BRWD1: variants seen among roughly 807,000 people sequenced by gnomAD.
BRWD1 encodes bromodomain and WD repeat-containing protein 1.
A neutral mutation model predicts 251.2 loss-of-function variants in BRWD1; 82 were observed. The ratio of observed to expected loss-of-function variants is 0.33; its 90% CI spans 0.27 to 0.39. BRWD1 has a LOEUF of 0.39. BRWD1 is among the 10% of genes least tolerant of loss of function. The pLI is 1.00. For synonymous variants in BRWD1, 918 were observed against 902.8 expected, an observed-to-expected ratio of 1.02 and a Z score of -0.30; for missense variants, 2,233 against 2,711.6, an observed-to-expected ratio of 0.82 and a Z score of 3.92.
chr21:39,260,920 T>C (rs2034722169), intron 17 of BRWD1, among the ~76,000 whole-genome samples: 3 of 152,178 alleles, frequency 2.0e-5, no homozygotes, highest in African/African-American at 7.2e-5. Context: ...ATCAATTATT[T>C]GACTAAATAC....
At chr21:39,204,425 C>T (rs2032291221) in intron 37 of BRWD1, among the ~76,000 whole-genome samples, 1 of 151,758 alleles carries the variant, frequency 6.6e-6, no homozygotes, top group African/African-American at 2.4e-5. Context: ...CATAAAGTAC[C>T]TATAAATGTG....
At chr21:39,220,016 G>A (rs906283181) in intron 29 of BRWD1, among the ~76,000 whole-genome samples, 3 of 150,878 alleles carry the variant, frequency 2.0e-5, no homozygotes, top group African/African-American at 7.3e-5. Flanking sequence ...GTACAGGCAG[G>A]CAACATAAAG....
Position 39,188,522 on chromosome 21 carries a change from C to A in BRWD1, c.*7737G>T, listed in dbSNP as rs1263247024. The stretch of plus-strand genomic sequence containing the variant: ...GTAGCAATGAAACCACCAATGCCAA[C>A]CTTCTGAACTTTTTCTTCTGTGAAG... On this transcript the variant is annotated 3_prime_UTR_variant, in exon 41 of 41. Transcript: ENST00000342449. The A allele has an allele frequency of 9.1e-6, 9 of 985,268 alleles. No individual in the cohort carries two copies. The African/African-American group carries it at 1.4e-4, about 15-fold the overall frequency. The allele number at this position is 985,268 out of a possible 1,614,324, so 61.0% of individuals were successfully genotyped here.
rs3945 is a variant in BRWD1 at position 39,194,141 on chromosome 21, A to G, written c.*2118T>C. ...AAAATGGTAATTGGATGGCCAGTCA[A>G]TGACCAATTAATGCAGTCCAAATAA... On this transcript the variant is annotated 3_prime_UTR_variant, in exon 41 of 41. Transcript: ENST00000342449. The G allele has an allele frequency of 0.34, 333,468 of 984,038 alleles. 59,419 individuals are homozygous for G. Among genetic ancestry groups the G allele is most frequent in the Non-Finnish European group, 0.37 (302,957 of 828,704 alleles). The allele number at this position is 984,038 out of a possible 1,614,324, so 61.0% of individuals were successfully genotyped here.
At chr21:39,281,189 G>A (rs950803357) in intron 8 of BRWD1, among the ~76,000 whole-genome samples, 7 of 152,148 alleles carry the variant, frequency 4.6e-5, no homozygotes, top group Non-Finnish European at 7.4e-5. Flanking sequence ...AGCTTAAAGG[G>A]TAACTGTACT....
At chr21:39,254,439 C>G (rs2034497821) in intron 19 of BRWD1, among the ~76,000 whole-genome samples, 1 of 152,076 alleles carries the variant, frequency 6.6e-6, no homozygotes, top group African/African-American at 2.4e-5. Flanking sequence ...AGAGGCTCCT[C>G]ATGGCTAGAA....
intron 13 of BRWD1, among the ~76,000 whole-genome samples, chr21:39,271,628 C>CAG (rs2035107732): frequency 7.8e-6 from 1 of 128,366 alleles, no homozygotes; most frequent in Non-Finnish European, 1.5e-5. Context: ...ACCCAGGAGG[C>CAG]GGAACTTACA....
chr21:39,295,438 C>T (rs1040599994), intron 7 of BRWD1, among the ~76,000 whole-genome samples: 1 of 152,042 alleles, frequency 6.6e-6, no homozygotes, highest in African/African-American at 2.4e-5. Flanking sequence ...CCGCCTGTCT[C>T]GGCCGCCCAA....
At position 39,229,268 on chromosome 21, in the gene BRWD1, CAAATTT is replaced by C. The variant is rs759150247; in HGVS notation, c.3125+38_3125+43del. 1.3e-5 allele frequency: 19 copies of C among 1,512,074 alleles called. No individual in the cohort carries two copies. In the African/African-American group the frequency reaches 2.4e-4, roughly 19 times the overall value. The allele number at this position is 1,512,074 out of a possible 1,614,324, so 93.7% of individuals were successfully genotyped here. ...GCTAATCATTCAATCAGCAAAATGG[CAAATTT>C]AAATTTAAGTAATTCCATTTTAAAA... On this transcript the variant is annotated intron_variant, in intron 26 of 40. Coordinates refer to ENST00000342449, the MANE Select transcript of BRWD1 (RefSeq NM_033656.4).
Position 39,264,695 on chromosome 21 carries a change from T to C in BRWD1, c.1660-10A>G. 5.1e-6 allele frequency: 8 copies of C among 1,582,162 alleles called. No individual in the cohort carries two copies. The highest frequency in any genetic ancestry group is 6.9e-6 in the Non-Finnish European group (8 of 1,159,378). On this transcript the variant is annotated splice_polypyrimidine_tract_variant and intron_variant, in intron 16 of 40. Transcript: ENST00000342449. ...ACATCTGATCAGGAATCTAGAAAAA[T>C]GAAGTTCACAGGATGACATTTTAAG... is the stretch of plus-strand genomic sequence containing the variant.
At chr21:39,286,783 G>A (rs1238177618) in intron 8 of BRWD1, among the ~76,000 whole-genome samples, 1 of 152,110 alleles carries the variant, frequency 6.6e-6, no homozygotes, top group Non-Finnish European at 1.5e-5. Flanking sequence ...CAAAGTGCTA[G>A]GATTGCAGAC....
upstream of BRWD1, chr21:39,314,050 AAGGTCGCCCGCTCC>A: frequency 2.2e-6 from 1 of 455,874 alleles, no homozygotes; most frequent in Non-Finnish European, 4.4e-6. Flanking sequence ...CGGGTTGGGC[AAGGTCGCCCGCTCC>A]GGGTCGCTCG....
chr21:39,312,836 C>T lies in BRWD1; in HGVS notation c.198+5G>A, dbSNP rs1264177236. 6.3e-7 allele frequency: 1 copy of T among 1,591,354 alleles called. No individual in the cohort carries two copies. The highest frequency in any genetic ancestry group is 1.7e-5 in the Admixed American group (1 of 58,704). On this transcript the variant is annotated splice_donor_5th_base_variant and intron_variant, in intron 4 of 40. Transcript: ENST00000342449. ...ACCCGGGGAGCAAACGTGCCCAATG[C>T]TCACCAACTCCTCGTAGCTCCTGTT...
At chr21:39,237,551 G>A (rs2033853120) in intron 22 of BRWD1, among the ~76,000 whole-genome samples, 1 of 152,140 alleles carries the variant, frequency 6.6e-6, no homozygotes, top group Non-Finnish European at 1.5e-5. Context: ...GCTTATTTAT[G>A]AAAATTATAA....
rs2031670331 is a variant in BRWD1, at chr21:39,193,713, C to T, written c.*2546G>A. On this transcript the variant is annotated 3_prime_UTR_variant, in exon 41 of 41. Transcript: ENST00000342449. ...TCAAATTATAACCCTTTATCTTTTT[C>T]TCAAGAATACTACAAACTGACCCTA... is the stretch of plus-strand genomic sequence containing the variant. 5 of 985,326 alleles carry T rather than the reference C, an allele frequency of 5.1e-6. No individual in the cohort carries two copies. In the South Asian group the frequency reaches 2.3e-4, roughly 46 times the overall value. The allele number at this position is 985,326 out of a possible 1,614,324, so 61.0% of individuals were successfully genotyped here. A position where few individuals can be genotyped will look rare whatever the true frequency, so the allele number is the denominator to read the frequency against.
At chr21:39,210,237 T>C in intron 35 of BRWD1, 90 bp from the exon 36 acceptor site, 4 of 1,127,986 alleles carry the variant, frequency 3.5e-6, no homozygotes, top group Non-Finnish European at 3.8e-6. Flanking sequence ...TGTGAAATGA[T>C]GGAAGAGAGG....
Position 39,195,469 on chromosome 21 carries a change from T to C in BRWD1, c.*790A>G, listed in dbSNP as rs1601231150. 1.0e-6 allele frequency: 1 copy of C among 985,708 alleles called. No individual in the cohort carries two copies. The highest frequency in any genetic ancestry group is 1.2e-6 in the Non-Finnish European group (1 of 829,814). The allele number at this position is 985,708 out of a possible 1,614,324, so 61.1% of individuals were successfully genotyped here. On this transcript the variant is annotated 3_prime_UTR_variant, in exon 41 of 41. Transcript: ENST00000342449. ...CCCTTACAATGGAAACCAGGAGATC[T>C]TGGACAGAAGACAGATTATATAGCA...
chr21:39,229,907 A>AT (rs1483494921), intron 25 of BRWD1, among the ~76,000 whole-genome samples: 6 of 152,016 alleles, frequency 3.9e-5, no homozygotes, highest in Non-Finnish European at 8.8e-5. Flanking sequence ...CACCAAGCTA[A>AT]TTTTTTATTA....
At chr21:39,264,323 C>G (rs976256143) in intron 17 of BRWD1, 137 bp downstream of exon 17, 35 of 590,868 alleles carry the variant, frequency 5.9e-5, no homozygotes, top group Non-Finnish European at 8.0e-6. Context: ...CAAAACAATA[C>G]ACAGAAAAAA....
Sources: gnomAD v4.1 joint callset for allele counts (sites outside exome capture counted in the v4.1 genomes callset) on GRCh38, gnomAD v4.1.1 for gene constraint, MANE v1.5 for transcripts, NCBI Gene and HGNC (gene_info 2026-07-23, HGNC 2026-07-21) for gene names.